The following NEURL1 variants were observed in gnomAD, a reference collection of about 807,000 sequenced individuals.
The protein encoded by NEURL1 is neuralized E3 ubiquitin protein ligase 1, also known as E3 ubiquitin-protein ligase NEURL1.
Under a neutral mutation model 41.2 loss-of-function variants are expected in NEURL1, and 26 were observed. That is an observed-to-expected ratio of 0.63 (90% confidence interval 0.46 to 0.87). The LOEUF (loss-of-function observed/expected upper bound fraction) is 0.87. Among genes scored for constraint, NEURL1 ranks in the 40% least tolerant of loss-of-function variants. The probability of loss-of-function intolerance (pLI) is 0.00; values close to 1 mark genes in which losing one functional copy is unlikely to be tolerated. For missense variants in NEURL1, 761 were observed against 871.1 expected (o/e 0.87, Z 1.59); for synonymous variants, 400 against 402.3 (o/e 0.99, Z 0.07).
Position 103,585,232 on chromosome 10 carries a change from G to T in NEURL1, c.1339+7G>T, listed in dbSNP as rs1258334202. 2.0e-6 allele frequency: 3 copies of T among 1,505,140 alleles called. No individual in the cohort carries two copies. The highest frequency in any genetic ancestry group is 1.4e-5 in the African/African-American group (1 of 71,018). The allele number at this position is 1,505,140 out of a possible 1,614,324, so 93.2% of individuals were successfully genotyped here. On this transcript the variant is annotated splice_region_variant and intron_variant, in intron 4 of 5. Transcript: ENST00000369780. ...ACGCAGATCCGCATCCTCGGTGAGT[G>T]CCCGCAGCTGCGCCTGGGCGTATGC...
chr10:103,512,000 G>C (rs183552189), intron 1 of NEURL1: 14 of 152,350 alleles, frequency 9.2e-5, no homozygotes, highest in African/African-American at 2.9e-4. Flanking sequence ...CCAGGCTCTG[G>C]AGCCCAGACA....
At chr10:103,588,100 CGAGA>C (rs1337710080) in intron 4 of NEURL1, among the ~76,000 whole-genome samples, 1 of 151,578 alleles carries the variant, frequency 6.6e-6, no homozygotes, top group East Asian at 1.9e-4. Context: ...GTCAGGAGAT[CGAGA>C]CCACCCTGGT....
chr10:103,504,183 G>A (rs981245841), intron 1 of NEURL1, among the ~76,000 whole-genome samples: 3 of 151,838 alleles, frequency 2.0e-5, no homozygotes, highest in Non-Finnish European at 4.4e-5. Flanking sequence ...TAGAGAGCTG[G>A]GGTTTCACCA....
At chr10:103,537,098 C>A (rs1261907889) in intron 1 of NEURL1, among the ~76,000 whole-genome samples, 1 of 152,196 alleles carries the variant, frequency 6.6e-6, no homozygotes, top group East Asian at 1.9e-4. Flanking sequence ...ATTAGAATTT[C>A]TTTCCTTTCT....
At chr10:103,586,638 A>G (rs1012492360) in intron 4 of NEURL1, among the ~76,000 whole-genome samples, 2 of 152,242 alleles carry the variant, frequency 1.3e-5, no homozygotes, top group African/African-American at 2.4e-5. Context: ...GAATACACAT[A>G]TGTTAATGCA....
chr10:103,549,651 T>C (rs930070680), intron 1 of NEURL1, among the ~76,000 whole-genome samples: 4 of 152,190 alleles, frequency 2.6e-5, no homozygotes, highest in African/African-American at 9.7e-5. Flanking sequence ...TCCCTTGTTC[T>C]TGATGAAGGA....
chr10:103,571,949 G>A (rs2035560703), intron 3 of NEURL1, 127 bp downstream of exon 3: 2 of 922,922 alleles, frequency 2.2e-6, no homozygotes, highest in African/African-American at 3.3e-5. Flanking sequence ...AGGGGAACCG[G>A]GGCAGCCCTG....
rs12217979 is a variant in NEURL1 at position 103,592,240 on chromosome 10, G to A, written c.*1868G>A. On this transcript the variant is annotated 3_prime_UTR_variant, in exon 6 of 6. Transcript: ENST00000369780. The surrounding 1 kb of genome is among the most constrained non-coding windows in gnomAD (Gnocchi z 4.8). ...TTCTGTGTGACTCGGGAGTTCTTCCGTGAGGGCTGCCAGGGGGTGGTGTGC... is the reference window on the plus strand; with the variant it reads ...TTCTGTGTGACTCGGGAGTTCTTCCATGAGGGCTGCCAGGGGGTGGTGTGC... The A allele has an allele frequency of 0.068, 10,360 of 152,452 alleles. 695 individuals carry two copies. Among genetic ancestry groups the A allele is most frequent in the East Asian group, 0.28 (1,457 of 5,156 alleles). 9.4% of individuals were successfully genotyped at this position (152,452 alleles called of 1,614,324 possible).
intron 1 of NEURL1, among the ~76,000 whole-genome samples, chr10:103,562,155 C>T (rs748411387): frequency 2.0e-5 from 3 of 152,170 alleles, no homozygotes; most frequent in Non-Finnish European, 2.9e-5. Flanking sequence ...GAGGCCTAGG[C>T]GGGCAGATCA....
intron 1 of NEURL1, among the ~76,000 whole-genome samples, chr10:103,537,488 G>A (rs909339552): frequency 6.6e-6 from 1 of 151,864 alleles, no homozygotes; most frequent in South Asian, 2.1e-4. Flanking sequence ...CAACCTCCTG[G>A]GCTCAGGTGA....
intron 3 of NEURL1, among the ~76,000 whole-genome samples, chr10:103,581,671 A>G (rs539400372): frequency 6.6e-6 from 1 of 152,212 alleles, no homozygotes; most frequent in African/African-American, 2.4e-5. Flanking sequence ...AGGTTGCATT[A>G]TTAGAAGTAT....
At chr10:103,543,523 C>T (rs1302669615) in intron 1 of NEURL1, among the ~76,000 whole-genome samples, 2 of 152,242 alleles carry the variant, frequency 1.3e-5, no homozygotes, top group African/African-American at 2.4e-5. Context: ...TTCCTCTTTT[C>T]TTCCTTTCTT....
At position 103,558,346 on chromosome 10, in the gene NEURL1, T is replaced by C; in HGVS notation, c.86-12526T>C. ...TGTTTGTGGACGTGTTTTGGCTCTC[T>C]GAGCTTCTGATGTCAACAGATGTGT... is the stretch of plus-strand genomic sequence containing the variant. On this transcript the variant is annotated intron_variant, in intron 1 of 5. Transcript: ENST00000369780. The surrounding 1 kb of genome is among the most constrained non-coding windows in gnomAD (Gnocchi z 4.2). The C allele has an allele frequency of 3.0e-6, 2 of 656,498 alleles. No homozygotes were observed. Among genetic ancestry groups the C allele is most frequent in the Non-Finnish European group, 3.8e-6 (2 of 529,628 alleles). The allele number at this position is 656,498 out of a possible 1,614,324, so 40.7% of individuals were successfully genotyped here. A position where few individuals can be genotyped will look rare whatever the true frequency, so the allele number is the denominator to read the frequency against.
intron 1 of NEURL1, among the ~76,000 whole-genome samples, chr10:103,504,402 C>T (rs1003980825): frequency 6.6e-6 from 1 of 152,122 alleles, no homozygotes; most frequent in Non-Finnish European, 1.5e-5. Context: ...TATTTGTAGA[C>T]TGTCTCTCTA....
At chr10:103,548,485 G>C (rs545667239) in intron 1 of NEURL1, among the ~76,000 whole-genome samples, 1 of 152,058 alleles carries the variant, frequency 6.6e-6, no homozygotes, top group African/African-American at 2.4e-5. Flanking sequence ...ACCACGCCTG[G>C]CTAATTTTTG....
rs2034007683 is a variant in NEURL1, at chr10:103,508,989, G to A, written c.85+14517G>A. Among the ~76,000 whole-genome samples the A allele has an allele frequency of 6.6e-6, 1 of 152,196 alleles. No homozygotes were observed. Among genetic ancestry groups the A allele is most frequent in the African/African-American group, 2.4e-5 (1 of 41,450 alleles). ...TGGCTTAGCTTCACCTCCTTAGCAC[G>A]AGGCTGAGGCGGGTGGATCACCTGA... On this transcript the variant is annotated intron_variant, in intron 1 of 5. Coordinates refer to ENST00000369780, the MANE Select transcript of NEURL1 (RefSeq NM_004210.5). The surrounding 1 kb of genome is among the most constrained non-coding windows in gnomAD (Gnocchi z 4.3).
chr10:103,502,388 G>A lies in NEURL1; in HGVS notation c.85+7916G>A, dbSNP rs2033845159. Among the ~76,000 whole-genome samples the A allele has an allele frequency of 2.6e-5, 4 of 152,284 alleles. No homozygotes were observed. The South Asian group carries it at 8.3e-4, about 32-fold the overall frequency. On this transcript the variant is annotated intron_variant, in intron 1 of 5. Coordinates refer to ENST00000369780, the MANE Select transcript of NEURL1 (RefSeq NM_004210.5). ...GGTGCCAGCACTGTCAGGTTCCATT[G>A]AGGGCCCTCTTCCTGGCTTTCAGGT...
rs372189137 is a variant in NEURL1 at position 103,518,315 on chromosome 10, AT to A, written c.85+23848del. Among the ~76,000 whole-genome samples, 487 of 152,060 alleles carry A rather than the reference AT, an allele frequency of 3.2e-3. 2 individuals carry two copies. The highest frequency in any genetic ancestry group is 0.01 in the African/African-American group (419 of 41,474). On this transcript the variant is annotated intron_variant, in intron 1 of 5. Transcript: ENST00000369780. ...GGCCTGTTTGCATTTAGAGTGCTAC[AT>A]TTTTCCTTCCCCCTCTTCCTCTCCC...
chr10:103,588,470 C>T lies in NEURL1; in HGVS notation c.1340-1044C>T, dbSNP rs555402977. 5.3e-5 allele frequency among the ~76,000 whole-genome samples: 8 copies of T among 152,152 alleles called. No homozygotes were observed. The East Asian group carries it at 1.3e-3, about 26-fold the overall frequency. On this transcript the variant is annotated intron_variant, in intron 4 of 5. Coordinates refer to ENST00000369780, the MANE Select transcript of NEURL1 (RefSeq NM_004210.5). ...TAATGTGGTCTGGGGGTAGTCAGGGCGGCCCAGAGGAAGGAGTTTGAGGAC... is the reference window on the plus strand; with the variant it reads ...TAATGTGGTCTGGGGGTAGTCAGGGTGGCCCAGAGGAAGGAGTTTGAGGAC...
Sources: allele counts gnomAD v4.1 joint callset (sites outside exome capture counted in the v4.1 genomes callset), GRCh38; gene constraint gnomAD v4.1.1; non-coding constraint Gnocchi (gnomAD v3.1); transcripts MANE v1.5; gene names NCBI Gene and HGNC (gene_info 2026-07-23, HGNC 2026-07-21).